Variants in MID2 observed in about 807,000 individuals in gnomAD.
MID2 encodes midline 2, also known as probable E3 ubiquitin-protein ligase MID2.
A neutral mutation model predicts 46.1 loss-of-function variants in MID2; 13 were observed. The ratio of observed to expected loss-of-function variants is 0.28; its 90% CI spans 0.18 to 0.45. The LOEUF (loss-of-function observed/expected upper bound fraction) is 0.45, where lower values mean the gene tolerates loss of function less well. Ranked by LOEUF, MID2 falls within the 20% of genes least tolerant of loss-of-function variation. MID2 has a pLI of 1.00. For missense variants in MID2, 431 were observed against 575.4 expected (o/e 0.75, Z 2.57); for synonymous variants, 199 against 212.3 (o/e 0.94, Z 0.55).
intron 7 of MID2, among the ~76,000 whole-genome samples, chrX:107,923,645 G>A (rs1003801166): frequency 5.4e-5 from 6 of 111,151 alleles, no homozygotes; most frequent in African/African-American, 9.8e-5. Flanking sequence ...TGTGGAGACC[G>A]GCTAGTTTGG....
intron 7 of MID2, among the ~76,000 whole-genome samples, chrX:107,924,136 A>C (rs1162901850): frequency 8.9e-6 from 1 of 112,737 alleles, no homozygotes; most frequent in Non-Finnish European, 1.9e-5. Flanking sequence ...TGCCACAAGC[A>C]AGGAGCCTGG....
intron 3 of MID2, among the ~76,000 whole-genome samples, chrX:107,893,253 A>T (rs1221076969): frequency 8.9e-6 from 1 of 112,739 alleles, no homozygotes; most frequent in Non-Finnish European, 1.9e-5. Flanking sequence ...TATTACACAG[A>T]TCTTCTCACT....
intron 2 of MID2, among the ~76,000 whole-genome samples, chrX:107,851,441 T>A (rs1480077342): frequency 9.0e-6 from 1 of 111,602 alleles, no homozygotes; most frequent in Admixed American, 9.6e-5. Flanking sequence ...TGAAACACAT[T>A]TCTTTCAATT....
intron 3 of MID2, among the ~76,000 whole-genome samples, chrX:107,900,847 G>A (rs1260664464): frequency 1.8e-5 from 2 of 112,052 alleles, no homozygotes; most frequent in Non-Finnish European, 3.8e-5. Context: ...ATGCTACCTT[G>A]ATTGGTTTCT....
intron 3 of MID2, among the ~76,000 whole-genome samples, chrX:107,859,638 G>T (rs1448654010): frequency 8.9e-6 from 1 of 112,681 alleles, no homozygotes; most frequent in Non-Finnish European, 1.9e-5. Context: ...GAATGTAAAT[G>T]CGTGATGACA....
intron 5 of MID2, among the ~76,000 whole-genome samples, chrX:107,910,659 A>G (rs1161929188): frequency 5.9e-5 from 6 of 102,244 alleles, no homozygotes; most frequent in Non-Finnish European, 9.9e-5. Context: ...CCTCACCAGC[A>G]CTTATCCTTC....
intron 9 of MID2, 58 bp from the exon 10 acceptor site, chrX:107,926,613 T>G: frequency 9.3e-7 from 1 of 1,079,543 alleles, no homozygotes; most frequent in Non-Finnish European, 1.3e-6. Context: ...TATGGTGTCT[T>G]ACACAACTCA....
rs781483112 is a variant in MID2 at position 107,850,196 on chromosome X, A to T, written c.721-4413A>T. 1.9e-4 allele frequency among the ~76,000 whole-genome samples: 13 copies of T among 67,482 alleles called. No homozygotes were observed. In the East Asian group the frequency reaches 5.0e-3, roughly 26 times the overall value. The allele number at this position is 67,482 out of a possible 115,157, so 58.6% of individuals were successfully genotyped here. On this transcript the variant is annotated intron_variant, in intron 2 of 9. Coordinates refer to ENST00000262843, the MANE Select transcript of MID2 (RefSeq NM_012216.4). ...CACATCCACACACACACAGACACACACACACACACACACACACACACCCTC... is the reference window on the plus strand; with the variant it reads ...CACATCCACACACACACAGACACACTCACACACACACACACACACACCCTC...
In MID2 at chrX:107,930,473, A is replaced by G. The variant is rs1933263262; in HGVS notation, c.*3400A>G. On this transcript the variant is annotated 3_prime_UTR_variant, in exon 10 of 10. Transcript: ENST00000262843. ...GTGGATTTACATTTCGGTTATAGCC[A>G]AAAATCACTCAAAGCTAAGCCTACT... 8.9e-6 allele frequency among the ~76,000 whole-genome samples: 1 copy of G among 112,178 alleles called. No individual in the cohort carries two copies. The highest frequency in any genetic ancestry group is 1.9e-5 in the Non-Finnish European group (1 of 53,159).
chrX:107,840,803 T>C lies in MID2; in HGVS notation c.138T>C (p.Ala46=). 8.3e-7 allele frequency: 1 copy of C among 1,211,601 alleles called. No individual in the cohort carries two copies. Among genetic ancestry groups the C allele is most frequent in the South Asian group, 1.8e-5 (1 of 56,976 alleles). ...AAGACCCCCTTCTGCTCCCTTGTGC[T>C]CACAGCCTCTGCTTCAGCTGTGCCC... The part of the protein sequence containing the change: ...LFEDPLLLPC[A]HSLCFSCAHR... Residue 46 remains alanine, a synonymous_variant, in exon 2 of 10, where the codon GCT becomes GCC. Transcript: ENST00000262843.
chrX:107,845,043 A>G (rs1931431531), intron 2 of MID2, among the ~76,000 whole-genome samples: 1 of 111,977 alleles, frequency 8.9e-6, no homozygotes, highest in Non-Finnish European at 1.9e-5. Context: ...CTCATCTAAG[A>G]AGATATAAAT....
chrX:107,877,862 C>T (rs1246682782), intron 3 of MID2, among the ~76,000 whole-genome samples: 1 of 111,074 alleles, frequency 9.0e-6, no homozygotes, highest in Non-Finnish European at 1.9e-5. Context: ...AAAGGTGCAT[C>T]AGTGGGTGCA....
intron 3 of MID2, among the ~76,000 whole-genome samples, chrX:107,889,307 G>T (rs1932540114): frequency 9.0e-6 from 1 of 111,615 alleles, no homozygotes; most frequent in South Asian, 3.8e-4. Flanking sequence ...CTCTTTTAGG[G>T]CAGGCCTGGT....
At position 107,854,629 on chromosome X, in the gene MID2, C is replaced by T; in HGVS notation, c.741C>T (p.Leu247=). Residue 247 remains leucine (L), a synonymous_variant, in exon 3 of 10, where the codon CTC becomes CTT. Coordinates refer to ENST00000262843, the MANE Select transcript of MID2 (RefSeq NM_012216.4). ...EKLKQTLEMN[L]TNLVKRNSEL... ...GACAGCAAACTCTGGAGATGAACCTCACCAACCTGGTTAAGCGCAACAGCG... is the reference window on the plus strand; with the variant it reads ...GACAGCAAACTCTGGAGATGAACCTTACCAACCTGGTTAAGCGCAACAGCG... 1.7e-6 allele frequency: 2 copies of T among 1,210,527 alleles called. No individual in the cohort carries two copies. Among genetic ancestry groups the T allele is most frequent in the South Asian group, 1.8e-5 (1 of 56,913 alleles).
At chrX:107,917,038 G>A (rs911526848) in intron 6 of MID2, among the ~76,000 whole-genome samples, 1 of 111,908 alleles carries the variant, frequency 8.9e-6, no homozygotes, top group East Asian at 2.8e-4. Context: ...CTTCTCAGGA[G>A]GCTGATGCAG....
intron 2 of MID2, among the ~76,000 whole-genome samples, chrX:107,845,317 AG>A (rs1931435812): frequency 8.9e-6 from 1 of 111,779 alleles, no homozygotes; most frequent in Admixed American, 9.5e-5. Flanking sequence ...GATGAAAACC[AG>A]GGGGAATAGA....
chrX:107,879,882 T>G (rs1932284761), intron 3 of MID2, among the ~76,000 whole-genome samples: 1 of 110,626 alleles, frequency 9.0e-6, no homozygotes, highest in Non-Finnish European at 1.9e-5. Flanking sequence ...AATGTATTAT[T>G]CTGTATGATG....
intron 7 of MID2, among the ~76,000 whole-genome samples, chrX:107,919,430 A>G (rs762072824): frequency 2.9e-4 from 32 of 111,904 alleles, no homozygotes; most frequent in Middle Eastern, 9.2e-3. Context: ...ACAGCAACCA[A>G]TTAGTCCTAG....
intron 5 of MID2, among the ~76,000 whole-genome samples, chrX:107,907,036 A>C (rs1444683789): frequency 2.7e-5 from 3 of 111,511 alleles, no homozygotes; most frequent in Non-Finnish European, 5.7e-5. Context: ...CTCACTTCAG[A>C]TACTCTCTTT....
Sources: allele counts gnomAD v4.1 joint callset (sites outside exome capture counted in the v4.1 genomes callset), GRCh38; gene constraint gnomAD v4.1.1; transcripts MANE v1.5; gene names NCBI Gene and HGNC (gene_info 2026-07-23, HGNC 2026-07-21).